The following CLSTN2 variants were observed in gnomAD, a reference collection of about 807,000 sequenced individuals.
The protein encoded by CLSTN2 is calsyntenin-2.
CLSTN2 carries 48 observed loss-of-function variants against 101.2 expected under a neutral mutation model. The ratio of observed to expected loss-of-function variants is 0.47; its 90% confidence interval spans 0.38 to 0.60. The LOEUF (loss-of-function observed/expected upper bound fraction) is 0.60, where lower values mean the gene tolerates loss of function less well. CLSTN2 is among the 20% of genes least tolerant of loss of function. CLSTN2 has a pLI of 0.00. For synonymous variants in CLSTN2, 481 were observed against 463.6 expected, an observed-to-expected ratio of 1.04 and a Z score of -0.48; for missense variants, 1,160 against 1,238.2, an observed-to-expected ratio of 0.94 and a Z score of 0.95.
chr3:140,153,393 C>A (rs890359124), intron 1 of CLSTN2, among the ~76,000 whole-genome samples: 1 of 152,230 alleles, frequency 6.6e-6, no homozygotes, highest in East Asian at 1.9e-4. Context: ...GAGAATTTGG[C>A]GGGAGCTGTG....
At chr3:140,315,650 G>T (rs1479556637) in intron 2 of CLSTN2, among the ~76,000 whole-genome samples, 1 of 152,186 alleles carries the variant, frequency 6.6e-6, no homozygotes, top group African/African-American at 2.4e-5. Flanking sequence ...AAGATTAAAA[G>T]GTTCAGGTGT....
At chr3:140,287,226 A>G (rs983761143) in intron 2 of CLSTN2, among the ~76,000 whole-genome samples, 1 of 152,226 alleles carries the variant, frequency 6.6e-6, no homozygotes, top group African/African-American at 2.4e-5. Context: ...CTGATACAAC[A>G]CGGATGAATC....
intron 2 of CLSTN2, among the ~76,000 whole-genome samples, chr3:140,220,137 C>T (rs979823826): frequency 1.3e-5 from 2 of 152,204 alleles, no homozygotes; most frequent in African/African-American, 4.8e-5. Flanking sequence ...AATAACGTCT[C>T]AATGAAAACA....
intron 1 of CLSTN2, among the ~76,000 whole-genome samples, chr3:140,138,932 T>C (rs2009655602): frequency 6.6e-6 from 1 of 152,248 alleles, no homozygotes; most frequent in African/African-American, 2.4e-5. Flanking sequence ...GGAAAGAATA[T>C]GGTATTTAGA....
At chr3:140,352,036 G>C (rs1241063037) in intron 2 of CLSTN2, among the ~76,000 whole-genome samples, 1 of 152,118 alleles carries the variant, frequency 6.6e-6, no homozygotes, top group Non-Finnish European at 1.5e-5. Context: ...AAATGAGACA[G>C]ACCTGGTTCT....
At chr3:140,236,744 A>G (rs1352467592) in intron 2 of CLSTN2, among the ~76,000 whole-genome samples, 2 of 151,296 alleles carry the variant, frequency 1.3e-5, no homozygotes, top group Non-Finnish European at 2.9e-5. Context: ...TATGGTGTCT[A>G]ATCTGTTTTT....
At position 140,185,013 on chromosome 3, in the gene CLSTN2, A is replaced by T. The variant is rs2010466398; in HGVS notation, c.232+8940A>T. ...GCAATTCTGATATCCTGCTGGAAAAATGTTGCCAGGTATCCCCCCATTTTA... is the reference window on the plus strand; with the variant it reads ...GCAATTCTGATATCCTGCTGGAAAATTGTTGCCAGGTATCCCCCCATTTTA... On this transcript the variant is annotated intron_variant, in intron 2 of 16. Transcript: ENST00000458420. Among the ~76,000 whole-genome samples the T allele has an allele frequency of 2.0e-5, 3 of 152,128 alleles. No homozygotes were observed. The South Asian group carries it at 6.2e-4, about 32-fold the overall frequency.
chr3:140,354,337 T>C (rs1241217678), intron 2 of CLSTN2, among the ~76,000 whole-genome samples: 1 of 152,208 alleles, frequency 6.6e-6, no homozygotes, highest in Non-Finnish European at 1.5e-5. Context: ...TCCGTACATA[T>C]AATGGTTAAA....
intron 4 of CLSTN2, among the ~76,000 whole-genome samples, chr3:140,411,409 G>A (rs371926269): frequency 2.0e-5 from 3 of 152,222 alleles, no homozygotes; most frequent in Non-Finnish European, 4.4e-5. Flanking sequence ...CCCAACGCTA[G>A]AGCGTGTAAA....
rs184968969 is a variant in CLSTN2 at position 140,398,658 on chromosome 3, G to T, written c.233-4971G>T. 8.1e-4 allele frequency among the ~76,000 whole-genome samples: 123 copies of T among 152,338 alleles called. No individual in the cohort carries two copies. In the East Asian group the frequency reaches 0.01, roughly 12 times the overall value. On this transcript the variant is annotated intron_variant, in intron 2 of 16. Transcript: ENST00000458420. ...AAAGGGTGCTGACCGTAGATGCCAA[G>T]ATTTTAGTCCTTAGTTGGCTTTATG...
intron 1 of CLSTN2, among the ~76,000 whole-genome samples, chr3:140,127,736 G>A (rs1292763959): frequency 1.3e-5 from 2 of 152,122 alleles, no homozygotes; most frequent in Non-Finnish European, 2.9e-5. Flanking sequence ...ATAAGAATAG[G>A]ACTGGCCTCA....
chr3:139,937,746 AAAAC>A (rs201494181), intron 1 of CLSTN2, among the ~76,000 whole-genome samples: 12 of 152,106 alleles, frequency 7.9e-5, no homozygotes, highest in Non-Finnish European at 1.2e-4. Context: ...CTCCGTCTCA[AAAAC>A]AAACAAACAA....
At chr3:140,425,626 T>G (rs987116655) in intron 5 of CLSTN2, among the ~76,000 whole-genome samples, 16 of 152,236 alleles carry the variant, frequency 1.1e-4, no homozygotes, top group Admixed American at 2.6e-4. Flanking sequence ...GAACTAAAAG[T>G]GTGTTTGCTA....
intron 2 of CLSTN2, among the ~76,000 whole-genome samples, chr3:140,397,383 C>T (rs927365942): frequency 6.6e-6 from 1 of 152,102 alleles, no homozygotes; most frequent in African/African-American, 2.4e-5. Context: ...CACCAGAGCT[C>T]CACAAATAAT....
chr3:140,312,753 T>G (rs1202099625), intron 2 of CLSTN2, among the ~76,000 whole-genome samples: 1 of 152,170 alleles, frequency 6.6e-6, no homozygotes, highest in Non-Finnish European at 1.5e-5. Context: ...AATTGGAGGT[T>G]TTCAGAGAAA....
intron 1 of CLSTN2, among the ~76,000 whole-genome samples, chr3:140,012,009 C>A (rs2007084459): frequency 1.3e-5 from 2 of 152,082 alleles, no homozygotes; most frequent in African/African-American, 4.8e-5. Context: ...TGGAGGTGTG[C>A]AGGAAACCCT....
intron 1 of CLSTN2, among the ~76,000 whole-genome samples, chr3:140,113,543 C>T (rs2009190571): frequency 6.6e-6 from 1 of 152,234 alleles, no homozygotes; most frequent in Non-Finnish European, 1.5e-5. Context: ...CTGCCCCTTT[C>T]TAACTGTGTG....
intron 2 of CLSTN2, among the ~76,000 whole-genome samples, chr3:140,334,287 A>T (rs1322381702): frequency 6.6e-6 from 1 of 152,230 alleles, no homozygotes; most frequent in East Asian, 1.9e-4. Flanking sequence ...TAGATAAGAA[A>T]AAACAGTCAC....
intron 2 of CLSTN2, among the ~76,000 whole-genome samples, chr3:140,362,880 G>A (rs2087744681): frequency 1.3e-5 from 2 of 151,954 alleles, no homozygotes; most frequent in South Asian, 4.2e-4. Context: ...TGGTGGGGGT[G>A]GAAGAGTAAA....
Sources: allele counts gnomAD v4.1 joint callset (sites outside exome capture counted in the v4.1 genomes callset), GRCh38; gene constraint gnomAD v4.1.1; transcripts MANE v1.5; gene names NCBI Gene and HGNC (gene_info 2026-07-23, HGNC 2026-07-21).